SNTG1: variants seen among roughly 807,000 people sequenced by gnomAD.
The protein encoded by SNTG1 is gamma-1-syntrophin.
In SNTG1, 39 loss-of-function variants were observed where a neutral mutation model predicts 74.7. The ratio of observed to expected loss-of-function variants is 0.52; its 90% CI spans 0.40 to 0.68. The LOEUF (loss-of-function observed/expected upper bound fraction) is 0.68, where lower values mean the gene tolerates loss of function less well. SNTG1 is among the 30% of genes least tolerant of loss of function. The pLI is 0.00. For missense variants in SNTG1, 685 were observed against 609.5 expected (o/e 1.12, Z -1.30); for synonymous variants, 254 against 217.1 (o/e 1.17, Z -1.49).
chr8:50,120,184 T>C (rs1290869917), intron 1 of SNTG1, among the ~76,000 whole-genome samples: 1 of 141,416 alleles, frequency 7.1e-6, no homozygotes, highest in Admixed American at 7.3e-5. Context: ...AGGAAACAAT[T>C]AATGAATTAA....
chr8:50,495,552 T>C (rs902108832), intron 8 of SNTG1, among the ~76,000 whole-genome samples: 1 of 152,054 alleles, frequency 6.6e-6, no homozygotes, highest in Non-Finnish European at 1.5e-5. Context: ...CCAAAAGTTA[T>C]GTGATAAGGT....
intron 2 of SNTG1, among the ~76,000 whole-genome samples, chr8:50,269,998 T>C (rs535342181): frequency 5.3e-5 from 8 of 152,356 alleles, no homozygotes; most frequent in South Asian, 4.1e-4. Flanking sequence ...TAATCCTTTC[T>C]TTATCATTCC....
chr8:50,647,475 C>T lies in SNTG1; in HGVS notation c.850-9434C>T, dbSNP rs191957399. ...ACATATATATGTATACACACACACA[C>T]ATACACACACAAATGGCAAATCAGT... On this transcript the variant is annotated intron_variant, in intron 13 of 18. Transcript: ENST00000642720. 1.4e-4 allele frequency among the ~76,000 whole-genome samples: 21 copies of T among 151,982 alleles called. No homozygotes were observed. In the East Asian group the frequency reaches 1.9e-3, roughly 14 times the overall value.
At chr8:50,070,287 A>T (rs1821253114) in intron 1 of SNTG1, among the ~76,000 whole-genome samples, 1 of 152,170 alleles carries the variant, frequency 6.6e-6, no homozygotes, top group African/African-American at 2.4e-5. Context: ...AATCGAGATT[A>T]AAAAAATTGT....
At chr8:50,572,518 T>C (rs570865390) in intron 12 of SNTG1, among the ~76,000 whole-genome samples, 68 of 152,280 alleles carry the variant, frequency 4.5e-4, no homozygotes, top group African/African-American at 1.6e-3. Context: ...ATATAATATC[T>C]AATCATCCTA....
chr8:50,072,507 A>G (rs906583928), intron 1 of SNTG1, among the ~76,000 whole-genome samples: 24 of 152,192 alleles, frequency 1.6e-4, no homozygotes, highest in African/African-American at 5.8e-4. Context: ...ATAATAATAG[A>G]AATCCAAGCA....
At chr8:50,752,478 A>G (rs1260571800) in intron 18 of SNTG1, among the ~76,000 whole-genome samples, 1 of 151,922 alleles carries the variant, frequency 6.6e-6, no homozygotes, top group Non-Finnish European at 1.5e-5. Context: ...AAATTTATAT[A>G]TTTACATTTT....
intron 13 of SNTG1, among the ~76,000 whole-genome samples, chr8:50,652,519 C>T (rs1013747068): frequency 7.2e-5 from 11 of 151,872 alleles, no homozygotes; most frequent in South Asian, 6.3e-4. Context: ...GTTATCAGGC[C>T]GGTGCAGTGG....
rs2093260121 is a variant in SNTG1, at chr8:50,433,190, T to TG, written c.163-5353_163-5352insG. On this transcript the variant is annotated intron_variant, in intron 4 of 18. Transcript: ENST00000642720. ...GCTGATATGTAAGAAAGCAATTTAA[T>TG]TTTTATAATAATTCCATATTCTATG... 2.0e-5 allele frequency among the ~76,000 whole-genome samples: 3 copies of TG among 152,224 alleles called. No homozygotes were observed. The South Asian group carries it at 6.2e-4, about 31-fold the overall frequency.
At chr8:50,640,762 A>G (rs898910892) in intron 13 of SNTG1, among the ~76,000 whole-genome samples, 1 of 152,040 alleles carries the variant, frequency 6.6e-6, no homozygotes, top group Non-Finnish European at 1.5e-5. Flanking sequence ...TCCTTAACAC[A>G]TTCTCATGTT....
intron 2 of SNTG1, among the ~76,000 whole-genome samples, chr8:50,346,495 A>G (rs1005248878): frequency 6.6e-6 from 1 of 152,196 alleles, no homozygotes; most frequent in Non-Finnish European, 1.5e-5. Flanking sequence ...AATTAAGCCA[A>G]TTAATAACTC....
At chr8:50,232,068 C>T (rs2085656893) in intron 2 of SNTG1, among the ~76,000 whole-genome samples, 2 of 151,418 alleles carry the variant, frequency 1.3e-5, no homozygotes, top group South Asian at 2.1e-4. Flanking sequence ...GAAGATAAAA[C>T]ACTTACCAAT....
At chr8:50,155,325 G>T (rs1201495237) in intron 1 of SNTG1, among the ~76,000 whole-genome samples, 1 of 151,976 alleles carries the variant, frequency 6.6e-6, no homozygotes, top group African/African-American at 2.4e-5. Flanking sequence ...ATTAAGAAAA[G>T]GATTATCTAA....
intron 13 of SNTG1, among the ~76,000 whole-genome samples, chr8:50,624,342 T>TC (rs1184395180): frequency 1.3e-5 from 2 of 151,990 alleles, no homozygotes; most frequent in African/African-American, 4.8e-5. Context: ...TTATATTTTT[T>TC]TTCAACAATA....
At chr8:50,168,179 A>G (rs960256360) in intron 1 of SNTG1, among the ~76,000 whole-genome samples, 1 of 151,488 alleles carries the variant, frequency 6.6e-6, no homozygotes, top group Non-Finnish European at 1.5e-5. Flanking sequence ...TCCTGAAAAA[A>G]ATCTACACAT....
chr8:50,069,466 A>G (rs1453206287), intron 1 of SNTG1, among the ~76,000 whole-genome samples: 1 of 152,220 alleles, frequency 6.6e-6, no homozygotes, highest in Non-Finnish European at 1.5e-5. Context: ...AAATGTTCAC[A>G]ATAAAAATTG....
intron 1 of SNTG1, among the ~76,000 whole-genome samples, chr8:50,039,101 C>A (rs1315739322): frequency 6.6e-6 from 1 of 152,068 alleles, no homozygotes; most frequent in African/African-American, 2.4e-5. Flanking sequence ...TAGGTCCTTG[C>A]ATTTATCTTA....
intron 12 of SNTG1, among the ~76,000 whole-genome samples, chr8:50,573,149 G>A (rs543443239): frequency 2.6e-5 from 4 of 151,970 alleles, no homozygotes; most frequent in African/African-American, 9.7e-5. Context: ...TCAGAAAAGA[G>A]GAATATTTTT....
At chr8:50,152,302 T>A (rs1481593595) in intron 1 of SNTG1, among the ~76,000 whole-genome samples, 2 of 152,226 alleles carry the variant, frequency 1.3e-5, no homozygotes, top group Non-Finnish European at 2.9e-5. Flanking sequence ...TATGTGTGTC[T>A]CTGCACATGA....
Sources: gnomAD v4.1 joint callset for allele counts (sites outside exome capture counted in the v4.1 genomes callset) on GRCh38, gnomAD v4.1.1 for gene constraint, MANE v1.5 for transcripts, NCBI Gene and HGNC (gene_info 2026-07-23, HGNC 2026-07-21) for gene names.